Variants in ZSCAN4 observed in about 807,000 individuals in gnomAD.
ZSCAN4 encodes the protein zinc finger and SCAN domain-containing protein 4.
A neutral mutation model predicts 18.3 loss-of-function variants in ZSCAN4; 18 were observed. The ratio of observed to expected loss-of-function variants is 0.98; its 90% CI spans 0.68 to 1.46. ZSCAN4 has a LOEUF of 1.46. ZSCAN4 is among the 40% of genes most tolerant of loss of function. The pLI is 0.00. For synonymous variants in ZSCAN4, 193 were observed against 180.3 expected (o/e 1.07, Z -0.57); for missense variants, 498 against 511.4 (o/e 0.97, Z 0.25).
upstream of ZSCAN4, among the ~76,000 whole-genome samples, chr19:57,665,346 C>A (rs1983826392): frequency 6.6e-6 from 1 of 152,106 alleles, no homozygotes; most frequent in East Asian, 1.9e-4. Flanking sequence ...TCTTCCCATC[C>A]CAGCCACTCC....
chr19:57,677,942 C>T, exon 4 of ZSCAN4: 1 of 1,561,514 alleles, frequency 6.4e-7, no homozygotes, highest in Non-Finnish European at 8.6e-7. Context: ...GGACAGGAAG[C>T]TCTCTTTTCT....
At chr19:57,655,281 G>C in the ZSCAN4 span, among the ~76,000 whole-genome samples, 1 of 152,074 alleles carries the variant, frequency 6.6e-6, no homozygotes, top group Non-Finnish European at 1.5e-5. Flanking sequence ...AGAACACCTG[G>C]ATCCAGTCTG....
chr19:57,659,241 T>C, the ZSCAN4 span, among the ~76,000 whole-genome samples: 1 of 152,190 alleles, frequency 6.6e-6, no homozygotes, highest in Non-Finnish European at 1.5e-5. Flanking sequence ...TAATACACTA[T>C]CAGCCGAATA....
chr19:57,654,581 A>G, the ZSCAN4 span, among the ~76,000 whole-genome samples: 1 of 152,056 alleles, frequency 6.6e-6, no homozygotes, highest in South Asian at 2.1e-4. Flanking sequence ...CAACACCCCT[A>G]TCCTGGCCAT....
intron 2 of ZSCAN4, among the ~76,000 whole-genome samples, chr19:57,675,638 G>A (rs1984158914): frequency 6.6e-6 from 1 of 152,068 alleles, no homozygotes; most frequent in Non-Finnish European, 1.5e-5. Context: ...AATAAACATT[G>A]GCATTTAAAC....
At chr19:57,665,144 G>A (rs764900520), upstream of ZSCAN4, 1 of 152,678 alleles carries the variant, frequency 6.5e-6, no homozygotes, top group Non-Finnish European at 1.5e-5. Context: ...AAGCATAGGG[G>A]TCTTTTACCT....
exon 4 of ZSCAN4, chr19:57,678,010 A>G: frequency 1.2e-6 from 2 of 1,602,438 alleles, no homozygotes; most frequent in South Asian, 1.1e-5. Context: ...GAATGCCCAA[A>G]CCACAAGAGA....
chr19:57,659,715 T>C, the ZSCAN4 span, among the ~76,000 whole-genome samples: 1 of 152,220 alleles, frequency 6.6e-6, no homozygotes, highest in African/African-American at 2.4e-5. Context: ...CACAGCTCTA[T>C]ATTCTGCTAC....
At chr19:57,662,703 G>T in the ZSCAN4 span, among the ~76,000 whole-genome samples, 13 of 151,224 alleles carry the variant, frequency 8.6e-5, no homozygotes, top group African/African-American at 3.2e-4. Flanking sequence ...TGGGACTACA[G>T]GCTTGAGCCA....
At chr19:57,666,328 C>T (rs924405140), upstream of ZSCAN4, among the ~76,000 whole-genome samples, 2 of 152,146 alleles carry the variant, frequency 1.3e-5, no homozygotes, top group Non-Finnish European at 2.9e-5. Context: ...CGCGTGCTGG[C>T]TCTCCAGTTC....
At chr19:57,669,031 G>A (rs1253878674) in exon 1 of ZSCAN4, 2 of 149,988 alleles carry the variant, frequency 1.3e-5, no homozygotes, top group Non-Finnish European at 3.0e-5. Flanking sequence ...CAGAATTTGT[G>A]AGACTAACGT....
chr19:57,669,516 C>T (rs192944852), intron 1 of ZSCAN4, among the ~76,000 whole-genome samples: 1 of 152,264 alleles, frequency 6.6e-6, no homozygotes, highest in African/African-American at 2.4e-5. Flanking sequence ...CAACCTCCGC[C>T]TCTGTGGTTC....
the ZSCAN4 span, among the ~76,000 whole-genome samples, chr19:57,656,400 G>C: frequency 6.6e-6 from 1 of 152,170 alleles, no homozygotes; most frequent in Admixed American, 6.5e-5. Flanking sequence ...CAAATCTCAA[G>C]AACTCTCTAT....
At chr19:57,674,272 TTAAA>T in intron 2 of ZSCAN4, among the ~76,000 whole-genome samples, 1 of 152,314 alleles carries the variant, frequency 6.6e-6, no homozygotes, top group East Asian at 1.9e-4. Flanking sequence ...TACCTATTAC[TTAAA>T]TAGTGAACAT....
chr19:57,676,670 C>T, intron 3 of ZSCAN4, 129 bp downstream of exon 3: 1 of 1,048,002 alleles, frequency 9.5e-7, no homozygotes, highest in East Asian at 2.6e-5. Context: ...TCACACTCTC[C>T]CACCATTCTC....
At chr19:57,674,051 G>T (rs1385619215) in intron 2 of ZSCAN4, among the ~76,000 whole-genome samples, 2 of 152,188 alleles carry the variant, frequency 1.3e-5, no homozygotes, top group African/African-American at 4.8e-5. Context: ...ACAGTGAAAA[G>T]AGTTTTTTTG....
At chr19:57,665,018 C>G (rs1442266732), upstream of ZSCAN4, 1 of 167,366 alleles carries the variant, frequency 6.0e-6, no homozygotes, top group East Asian at 1.4e-4. Flanking sequence ...CATGACTGAC[C>G]AGGGGCAAAA....
chr19:57,653,085 T>C, the ZSCAN4 span, among the ~76,000 whole-genome samples: 1 of 152,032 alleles, frequency 6.6e-6, no homozygotes, highest in Non-Finnish European at 1.5e-5. Context: ...AAAGGCAAGA[T>C]CATAAGATAA....
intron 1 of ZSCAN4, among the ~76,000 whole-genome samples, chr19:57,669,704 C>A (rs1284806591): frequency 6.7e-6 from 1 of 149,468 alleles, no homozygotes; most frequent in Non-Finnish European, 1.5e-5. Context: ...GGATTACAGG[C>A]ATGGTTTTTT....
Sources: gnomAD v4.1 joint callset for allele counts (sites outside exome capture counted in the v4.1 genomes callset) on GRCh38, gnomAD v4.1.1 for gene constraint, MANE v1.5 for transcripts, NCBI Gene and HGNC (gene_info 2026-07-23, HGNC 2026-07-21) for gene names.